Variants in EIPR1 observed in about 807,000 individuals in gnomAD.
EIPR1 encodes the protein EARP and GARP complex-interacting protein 1.
In EIPR1, 25 loss-of-function variants were observed where a neutral mutation model predicts 48.1. The ratio of observed to expected loss-of-function variants is 0.52; its 90% CI spans 0.38 to 0.73. The LOEUF (loss-of-function observed/expected upper bound fraction) is 0.73. Ranked by LOEUF, EIPR1 falls within the 30% of genes least tolerant of loss-of-function variation. The pLI, the probability that EIPR1 is intolerant of heterozygous loss-of-function variation, is 0.00. For missense variants in EIPR1, 415 were observed against 506.2 expected (o/e 0.82, Z 1.73); for synonymous variants, 204 against 201.9 (o/e 1.01, Z -0.09).
intron 3 of EIPR1, among the ~76,000 whole-genome samples, chr2:3,282,136 A>G (rs1668031839): frequency 6.6e-6 from 1 of 152,256 alleles, no homozygotes; most frequent in Non-Finnish European, 1.5e-5. Context: ...TAAGTTTATG[A>G]AAATTCTAGG....
intron 3 of EIPR1, among the ~76,000 whole-genome samples, chr2:3,277,240 G>A (rs1157252608): frequency 6.7e-6 from 1 of 150,118 alleles, no homozygotes; most frequent in Non-Finnish European, 1.5e-5. Context: ...CCACCCACGC[G>A]GCCCCACACC....
At chr2:3,369,066 T>A (rs1387567178) in intron 1 of EIPR1, among the ~76,000 whole-genome samples, 1 of 152,204 alleles carries the variant, frequency 6.6e-6, no homozygotes, top group Non-Finnish European at 1.5e-5. Flanking sequence ...AGTTTTCTTG[T>A]TTACTGCAAT....
intron 3 of EIPR1, among the ~76,000 whole-genome samples, chr2:3,307,704 G>C (rs1354105993): frequency 6.6e-6 from 1 of 152,240 alleles, no homozygotes; most frequent in Non-Finnish European, 1.5e-5. Flanking sequence ...AAAGAAGTGA[G>C]GCAGGGATGA....
chr2:3,287,852 A>G (rs1668250376), intron 3 of EIPR1, among the ~76,000 whole-genome samples: 1 of 152,276 alleles, frequency 6.6e-6, no homozygotes, highest in African/African-American at 2.4e-5. Context: ...ACCATGCTCC[A>G]GAAAGCTCAT....
At chr2:3,311,081 T>C (rs965404637) in intron 3 of EIPR1, among the ~76,000 whole-genome samples, 2 of 152,148 alleles carry the variant, frequency 1.3e-5, no homozygotes, top group Non-Finnish European at 2.9e-5. Context: ...ACCAGAAATA[T>C]CACATTGCAA....
intron 2 of EIPR1, among the ~76,000 whole-genome samples, chr2:3,346,136 AGG>A (rs1215502188): frequency 3.3e-5 from 5 of 152,220 alleles, no homozygotes; most frequent in Admixed American, 1.3e-4. Flanking sequence ...CCCATGCGGG[AGG>A]GCCACCACTC....
rs543738262 is a variant in EIPR1, at chr2:3,191,294, C to G, written c.989+1120G>C. ...GACAGAGACAATCAGATGGGCCCAT[C>G]GCCACTGCAGAGAGGGTCCGAAGAC... On this transcript the variant is annotated intron_variant, in intron 8 of 8. Transcript: ENST00000382125. 1.3e-4 allele frequency among the ~76,000 whole-genome samples: 18 copies of G among 139,052 alleles called. No homozygotes were observed. In the South Asian group the frequency reaches 4.5e-3, roughly 34 times the overall value. The allele number at this position is 139,052 out of a possible 152,430, so 91.2% of individuals were successfully genotyped here. A position where few individuals can be genotyped will look rare whatever the true frequency, so the allele number is the denominator to read the frequency against.
rs13023437 is a variant in EIPR1 at position 3,221,097 on chromosome 2, T to C, written c.417-6849A>G. Among the ~76,000 whole-genome samples the C allele has an allele frequency of 6.3e-3, 44 of 6,978 alleles. 1 individual carries two copies. Among genetic ancestry groups the C allele is most frequent in the Middle Eastern group, 0.12 (1 of 8 alleles). The allele number at this position is 6,978 out of a possible 152,430, so 4.6% of individuals were successfully genotyped here. A position where few individuals can be genotyped will look rare whatever the true frequency, so the allele number is the denominator to read the frequency against. ...AATGGCCGAGGTACACTCTAGAGCATTCACAGTGAGTCCGGAACACACGCA... is the reference window on the plus strand; with the variant it reads ...AATGGCCGAGGTACACTCTAGAGCACTCACAGTGAGTCCGGAACACACGCA... On this transcript the variant is annotated intron_variant, in intron 4 of 8. Coordinates refer to ENST00000382125, the MANE Select transcript of EIPR1 (RefSeq NM_003310.5).
intron 5 of EIPR1, among the ~76,000 whole-genome samples, chr2:3,213,438 C>T (rs138953055): frequency 8.5e-5 from 13 of 152,234 alleles, no homozygotes; most frequent in African/African-American, 2.2e-4. Flanking sequence ...CCAAAGAAAG[C>T]GCTAAAAGTT....
chr2:3,261,811 C>T (rs1667342678), intron 3 of EIPR1: 1 of 152,206 alleles, frequency 6.6e-6, no homozygotes, highest in African/African-American at 2.4e-5. Context: ...GTGAAATACC[C>T]ATACCGGGCC....
At chr2:3,195,607 T>A (rs4854132) in intron 6 of EIPR1, among the ~76,000 whole-genome samples, 133,595 of 152,188 alleles carry the variant, frequency 0.88, 59,153 homozygotes, top group Middle Eastern at 0.92. Flanking sequence ...GTAGAAAATT[T>A]AAAACTTGGC....
chr2:3,224,837 G>A (rs1666008550), intron 4 of EIPR1, among the ~76,000 whole-genome samples: 1 of 152,210 alleles, frequency 6.6e-6, no homozygotes, highest in Non-Finnish European at 1.5e-5. Context: ...TGTTACATCT[G>A]AAGAGGAACT....
chr2:3,202,025 T>G (rs546475619), intron 5 of EIPR1, among the ~76,000 whole-genome samples: 1 of 152,146 alleles, frequency 6.6e-6, no homozygotes, highest in Non-Finnish European at 1.5e-5. Flanking sequence ...CAAGCTCCAA[T>G]TCCCGGGGTT....
At chr2:3,317,408 G>A (rs145024948) in intron 3 of EIPR1, among the ~76,000 whole-genome samples, 4,272 of 149,586 alleles carry the variant, frequency 0.029, 186 homozygotes, top group African/African-American at 0.1. Context: ...TGTGTGCCTC[G>A]CACGCAGGGT....
chr2:3,285,211 C>T (rs1668142145), intron 3 of EIPR1, among the ~76,000 whole-genome samples: 2 of 152,110 alleles, frequency 1.3e-5, no homozygotes, highest in African/African-American at 4.8e-5. Flanking sequence ...AGAGGAAGAA[C>T]CTGGGACAGG....
intron 5 of EIPR1, among the ~76,000 whole-genome samples, chr2:3,197,260 G>T (rs1378178107): frequency 6.6e-6 from 1 of 152,168 alleles, no homozygotes; most frequent in African/African-American, 2.4e-5. Context: ...CTATTAAAGA[G>T]CGTTTGCTTG....
intron 3 of EIPR1, among the ~76,000 whole-genome samples, chr2:3,292,041 C>T (rs1668379606): frequency 6.6e-6 from 1 of 152,246 alleles, no homozygotes; most frequent in Admixed American, 6.5e-5. Context: ...CCACTGAACC[C>T]TCCTGCCACA....
At chr2:3,358,567 C>T (rs934284220) in intron 1 of EIPR1, among the ~76,000 whole-genome samples, 1 of 152,190 alleles carries the variant, frequency 6.6e-6, no homozygotes, top group Admixed American at 6.5e-5. Context: ...CTGCAACTTC[C>T]CTGGACAATT....
Position 3,304,227 on chromosome 2 carries a change from G to A in EIPR1, c.259+33790C>T, listed in dbSNP as rs1050814694. On this transcript the variant is annotated intron_variant, in intron 3 of 8. Coordinates refer to ENST00000382125, the MANE Select transcript of EIPR1 (RefSeq NM_003310.5). ...ATCCAGGGAACAGCGTGCTGTGCGC[G>A]GGGAGGTGGTCTGGCGAGATCGGAG... is the stretch of plus-strand genomic sequence containing the variant. Among the ~76,000 whole-genome samples the A allele has an allele frequency of 5.3e-5, 8 of 152,304 alleles. No individual in the cohort carries two copies. The South Asian group carries it at 8.3e-4, about 16-fold the overall frequency.
Sources: gnomAD v4.1 joint callset for allele counts (sites outside exome capture counted in the v4.1 genomes callset) on GRCh38, gnomAD v4.1.1 for gene constraint, MANE v1.5 for transcripts, NCBI Gene and HGNC (gene_info 2026-07-23, HGNC 2026-07-21) for gene names.